DTWD2: variants seen among roughly 807,000 people sequenced by gnomAD.
DTWD2 encodes DTW motif tRNA-uridine aminocarboxypropyltransferase 2.
Under a neutral mutation model 31.8 loss-of-function variants are expected in DTWD2, and 39 were observed. That is an observed-to-expected ratio of 1.22 (90% CI 0.95 to 1.60). DTWD2 has a LOEUF of 1.60. Among genes scored for constraint, DTWD2 ranks in the 40% most tolerant of loss-of-function variants. The pLI is 0.00. For synonymous variants in DTWD2, 180 were observed against 142.8 expected, an observed-to-expected ratio of 1.26 and a Z score of -1.86; for missense variants, 515 against 381.5, an observed-to-expected ratio of 1.35 and a Z score of -2.92.
chr5:118,948,263 C>T (rs1754383593), intron 1 of DTWD2, among the ~76,000 whole-genome samples: 1 of 151,840 alleles, frequency 6.6e-6, no homozygotes, highest in Non-Finnish European at 1.5e-5. Context: ...ATCACAAGGT[C>T]AGGAGTTAGG....
chr5:118,888,307 T>C (rs554800549), intron 4 of DTWD2, among the ~76,000 whole-genome samples: 46 of 152,314 alleles, frequency 3.0e-4, no homozygotes, highest in Non-Finnish European at 6.2e-4. Context: ...TTCCTGACTA[T>C]ACATTAGTTT....
At chr5:118,936,751 A>G (rs1165859993) in intron 3 of DTWD2, among the ~76,000 whole-genome samples, 1 of 152,154 alleles carries the variant, frequency 6.6e-6, no homozygotes, top group Admixed American at 6.5e-5. Context: ...CAAAGCAAGA[A>G]AAAAATTGAC....
chr5:118,969,415 A>G (rs750286785), intron 1 of DTWD2, among the ~76,000 whole-genome samples: 2 of 152,200 alleles, frequency 1.3e-5, no homozygotes, highest in Non-Finnish European at 2.9e-5. Context: ...CACCTTCTAC[A>G]GGAGCATTCA....
At chr5:118,942,059 T>A (rs952804043) in intron 2 of DTWD2, among the ~76,000 whole-genome samples, 2 of 152,230 alleles carry the variant, frequency 1.3e-5, no homozygotes, top group Admixed American at 6.5e-5. Flanking sequence ...GTTTGAGTTC[T>A]TTGTAGATTC....
chr5:118,853,592 T>C (rs1278474950), intron 4 of DTWD2, among the ~76,000 whole-genome samples: 1 of 152,200 alleles, frequency 6.6e-6, no homozygotes, highest in Non-Finnish European at 1.5e-5. Context: ...ATCATGTCCT[T>C]TGCAGCAACG....
chr5:118,946,225 C>T (rs887951341), intron 1 of DTWD2, among the ~76,000 whole-genome samples: 1 of 152,206 alleles, frequency 6.6e-6, no homozygotes, highest in Non-Finnish European at 1.5e-5. Flanking sequence ...AAAATCAATA[C>T]ACCTGATTTC....
At chr5:118,884,293 A>G (rs542771309) in intron 4 of DTWD2, among the ~76,000 whole-genome samples, 39 of 152,202 alleles carry the variant, frequency 2.6e-4, no homozygotes, top group Non-Finnish European at 5.3e-4. Flanking sequence ...CTTCACTCCC[A>G]TTGGCTACTT....
chr5:118,894,584 C>A (rs1231166766), intron 4 of DTWD2, among the ~76,000 whole-genome samples: 2 of 152,026 alleles, frequency 1.3e-5, no homozygotes, highest in African/African-American at 4.8e-5. Context: ...AAAATGAAAT[C>A]AAGGTATCCC....
chr5:118,944,674 A>C (rs755424258), intron 1 of DTWD2, 25 bp from the exon 2 acceptor site: 6 of 1,604,612 alleles, frequency 3.7e-6, no homozygotes, highest in African/African-American at 1.3e-5. Flanking sequence ...GAAAAATAAA[A>C]CTGGTAAATT....
At chr5:118,851,943 G>T (rs1472039175) in intron 4 of DTWD2, among the ~76,000 whole-genome samples, 1 of 152,028 alleles carries the variant, frequency 6.6e-6, no homozygotes, top group Non-Finnish European at 1.5e-5. Flanking sequence ...TAAGCCTGAG[G>T]GTACTGCAGG....
rs531481658 is a variant in DTWD2 at position 118,888,463 on chromosome 5, T to C, written c.597+40074A>G. ...ACTGTTTTTTTACTACTTAGTAGTT[T>C]TTCATTACATGTATATGCCACACTG... On this transcript the variant is annotated intron_variant, in intron 4 of 5. Transcript: ENST00000510708. 2.8e-4 allele frequency among the ~76,000 whole-genome samples: 43 copies of C among 152,366 alleles called. No individual in the cohort carries two copies. In the South Asian group the frequency reaches 2.9e-3, roughly 10 times the overall value.
chr5:118,849,880 G>T (rs1466408205), intron 4 of DTWD2, among the ~76,000 whole-genome samples: 2 of 152,058 alleles, frequency 1.3e-5, no homozygotes, highest in Non-Finnish European at 2.9e-5. Flanking sequence ...CTGTTGGGGG[G>T]TGTGGGGGCT....
At chr5:118,985,507 T>C (rs1009168184) in intron 1 of DTWD2, among the ~76,000 whole-genome samples, 1 of 122,354 alleles carries the variant, frequency 8.2e-6, no homozygotes. Flanking sequence ...TATATATATA[T>C]ATATATATAT....
intron 4 of DTWD2, among the ~76,000 whole-genome samples, chr5:118,890,562 C>CTTTTTT (rs973397760): frequency 1.1e-4 from 8 of 71,252 alleles, no homozygotes; most frequent in African/African-American, 1.2e-4. Flanking sequence ...TTAGGTTTTC[C>CTTTTTT]TTTTTTTTTT....
chr5:118,857,643 A>G (rs918446230), intron 4 of DTWD2, among the ~76,000 whole-genome samples: 2 of 152,126 alleles, frequency 1.3e-5, no homozygotes, highest in Non-Finnish European at 2.9e-5. Flanking sequence ...ATTTATAAAT[A>G]TTTTACTTTA....
At chr5:118,947,114 A>G (rs1313907061) in intron 1 of DTWD2, among the ~76,000 whole-genome samples, 3 of 152,134 alleles carry the variant, frequency 2.0e-5, no homozygotes, top group Non-Finnish European at 4.4e-5. Flanking sequence ...GACGGGGAGC[A>G]GCAGGTGAGC....
chr5:118,861,180 T>C (rs1752251866), intron 4 of DTWD2, among the ~76,000 whole-genome samples: 1 of 152,234 alleles, frequency 6.6e-6, no homozygotes, highest in Non-Finnish European at 1.5e-5. Flanking sequence ...TAGAGTTAAA[T>C]CATTTAAGCA....
At chr5:118,949,771 G>A (rs543890291) in intron 1 of DTWD2, among the ~76,000 whole-genome samples, 1 of 152,266 alleles carries the variant, frequency 6.6e-6, no homozygotes, top group South Asian at 2.1e-4. Flanking sequence ...GGATGTGAAG[G>A]AGGCTTTGAA....
intron 4 of DTWD2, among the ~76,000 whole-genome samples, chr5:118,877,617 A>T (rs1324618747): frequency 6.6e-6 from 1 of 152,222 alleles, no homozygotes; most frequent in Non-Finnish European, 1.5e-5. Context: ...ATACCCCTTG[A>T]AAACCAGCAA....
Sources: gnomAD v4.1 joint callset for allele counts (sites outside exome capture counted in the v4.1 genomes callset) on GRCh38, gnomAD v4.1.1 for gene constraint, MANE v1.5 for transcripts, NCBI Gene and HGNC (gene_info 2026-07-23, HGNC 2026-07-21) for gene names.